MTUS2: variants seen among roughly 807,000 people sequenced by gnomAD.
The protein encoded by MTUS2 is microtubule-associated tumor suppressor candidate 2.
Under a neutral mutation model 114.1 loss-of-function variants are expected in MTUS2, and 40 were observed. That is an observed-to-expected ratio of 0.35 (90% CI 0.27 to 0.46). The LOEUF (loss-of-function observed/expected upper bound fraction) is 0.46, where lower values mean the gene tolerates loss of function less well. Ranked by LOEUF, MTUS2 falls within the 20% of genes least tolerant of loss-of-function variation. The probability of loss-of-function intolerance (pLI) is 1.00; values close to 1 mark genes in which losing one functional copy is unlikely to be tolerated. For synonymous variants in MTUS2, 688 were observed against 672.0 expected, an observed-to-expected ratio of 1.02 and a Z score of -0.37; for missense variants, 1,679 against 1,705.4, an observed-to-expected ratio of 0.98 and a Z score of 0.27.
chr13:29,160,038 T>C (rs1336703428), intron 5 of MTUS2, among the ~76,000 whole-genome samples: 1 of 152,222 alleles, frequency 6.6e-6, no homozygotes, highest in Non-Finnish European at 1.5e-5. Context: ...CAAAAAATCC[T>C]ATACACCATT....
intron 9 of MTUS2, among the ~76,000 whole-genome samples, chr13:29,468,108 G>C (rs1306456997): frequency 6.6e-6 from 1 of 151,916 alleles, no homozygotes; most frequent in Non-Finnish European, 1.5e-5. Context: ...GACAGAGGGA[G>C]ACCCTGCCTC....
intron 1 of MTUS2, among the ~76,000 whole-genome samples, chr13:28,826,089 T>G (rs1874249360): frequency 6.6e-6 from 1 of 152,202 alleles, no homozygotes; most frequent in South Asian, 2.1e-4. Flanking sequence ...ATTCTATATG[T>G]TGGTTGTATT....
At position 29,016,354 on chromosome 13, in the gene MTUS2, T is replaced by A. The variant is rs567973845; in HGVS notation, c.-242-8103T>A. 5.5e-5 allele frequency among the ~76,000 whole-genome samples: 8 copies of A among 146,346 alleles called. 1 individual carries two copies. The South Asian group carries it at 1.7e-3, about 32-fold the overall frequency. On this transcript the variant is annotated intron_variant, in intron 2 of 15. Coordinates refer to ENST00000612955, the MANE Select transcript of MTUS2 (RefSeq NM_001033602.4). ...GTGGAATTCTCCCCTGGAAAGGACT[T>A]TTTTTTTTTTTTAAGGGTATGCTTG...
chr13:29,492,338 A>G (rs1479703940), intron 11 of MTUS2, among the ~76,000 whole-genome samples: 1 of 150,350 alleles, frequency 6.7e-6, no homozygotes, highest in Non-Finnish European at 1.5e-5. Flanking sequence ...TGTGGTGTGT[A>G]TGTGACGGGT....
intron 2 of MTUS2, among the ~76,000 whole-genome samples, chr13:28,865,407 T>C (rs1384521584): frequency 2.0e-5 from 3 of 152,218 alleles, no homozygotes; most frequent in Non-Finnish European, 2.9e-5. Flanking sequence ...TGCACTCATA[T>C]GTCAGAAGCA....
In MTUS2 at chr13:28,962,486, A is replaced by G. The variant is rs531605105; in HGVS notation, c.-242-61971A>G. Among the ~76,000 whole-genome samples the G allele has an allele frequency of 1.3e-4, 20 of 152,250 alleles. No individual in the cohort carries two copies. In the South Asian group the frequency reaches 4.1e-3, roughly 32 times the overall value. On this transcript the variant is annotated intron_variant, in intron 2 of 15. Transcript: ENST00000612955. ...AACCTTTTGCAAGGTTTTTTGTTTT[A>G]TATATCCTCTAGGTATATCTTTAAC... is the stretch of plus-strand genomic sequence containing the variant.
intron 8 of MTUS2, among the ~76,000 whole-genome samples, chr13:29,424,693 A>G (rs1460732310): frequency 6.6e-6 from 1 of 152,186 alleles, no homozygotes; most frequent in Admixed American, 6.5e-5. Context: ...TCTAACCCAG[A>G]TTTGAGAGCT....
intron 9 of MTUS2, among the ~76,000 whole-genome samples, chr13:29,455,860 A>G (rs1879069789): frequency 1.3e-5 from 2 of 152,148 alleles, no homozygotes; most frequent in African/African-American, 2.4e-5. Context: ...GCACACTGGT[A>G]GTCCCAGCTG....
At chr13:29,346,250 G>A (rs899540691) in intron 7 of MTUS2, among the ~76,000 whole-genome samples, 1 of 152,092 alleles carries the variant, frequency 6.6e-6, no homozygotes, top group Admixed American at 6.6e-5. Flanking sequence ...TGGTGGACAG[G>A]GCCATAGAGC....
chr13:29,192,847 G>A (rs1894504071), intron 5 of MTUS2, among the ~76,000 whole-genome samples: 2 of 152,150 alleles, frequency 1.3e-5, no homozygotes. Flanking sequence ...GGTTGCCTGC[G>A]TTATACCTGG....
chr13:29,356,229 G>T (rs531394168), intron 7 of MTUS2, among the ~76,000 whole-genome samples: 14 of 152,262 alleles, frequency 9.2e-5, no homozygotes, highest in Non-Finnish European at 8.8e-5. Flanking sequence ...GAAATATGAT[G>T]GGAAAGAGGT....
chr13:29,482,119 G>A (rs1881231718), intron 10 of MTUS2: 1 of 152,136 alleles, frequency 6.6e-6, no homozygotes, highest in South Asian at 2.1e-4. Context: ...TTTACCAAAG[G>A]CCTCTGATCT....
rs1456139400 is a variant in MTUS2 at position 29,218,430 on chromosome 13, T to G, written c.2645-63274T>G. 2.0e-5 allele frequency among the ~76,000 whole-genome samples: 3 copies of G among 152,224 alleles called. No homozygotes were observed. The East Asian group carries it at 5.8e-4, about 29-fold the overall frequency. On this transcript the variant is annotated intron_variant, in intron 5 of 15. Coordinates refer to ENST00000612955, the MANE Select transcript of MTUS2 (RefSeq NM_001033602.4). ...AATTTCTTTCAAACTGCTGTTAATT[T>G]GAATATTTTGACTTCTTCCTGTGAA...
chr13:29,052,521 G>A (rs1375191704), intron 4 of MTUS2, among the ~76,000 whole-genome samples: 2 of 151,686 alleles, frequency 1.3e-5, no homozygotes, highest in Non-Finnish European at 2.9e-5. Flanking sequence ...AGCAGCTAGA[G>A]GATATCCTAA....
intron 8 of MTUS2, among the ~76,000 whole-genome samples, chr13:29,406,649 C>T (rs1405492610): frequency 6.6e-6 from 1 of 152,184 alleles, no homozygotes; most frequent in Non-Finnish European, 1.5e-5. Flanking sequence ...TGGTGTGGGA[C>T]AGGACCACAA....
intron 6 of MTUS2, among the ~76,000 whole-genome samples, chr13:29,310,728 C>A (rs1419247311): frequency 1.3e-5 from 2 of 152,176 alleles, no homozygotes; most frequent in African/African-American, 2.4e-5. Context: ...TTTTAAAAAT[C>A]TGACCTTTTA....
intron 5 of MTUS2, among the ~76,000 whole-genome samples, chr13:29,243,467 G>A (rs1265550983): frequency 6.6e-6 from 1 of 152,198 alleles, no homozygotes; most frequent in Non-Finnish European, 1.5e-5. Context: ...GATGACATTT[G>A]CTTTCAAAGA....
chr13:29,018,023 A>G (rs1886137936), intron 2 of MTUS2, among the ~76,000 whole-genome samples: 1 of 152,238 alleles, frequency 6.6e-6, no homozygotes, highest in African/African-American at 2.4e-5. Flanking sequence ...TTCAGGACAC[A>G]GAGAGAAAAT....
chr13:29,008,621 T>G (rs1341173972), intron 2 of MTUS2, among the ~76,000 whole-genome samples: 1 of 152,248 alleles, frequency 6.6e-6, no homozygotes, highest in Non-Finnish European at 1.5e-5. Flanking sequence ...ATTTGATAGT[T>G]TAGCAAGATA....
Sources: gnomAD v4.1 joint callset for allele counts (sites outside exome capture counted in the v4.1 genomes callset) on GRCh38, gnomAD v4.1.1 for gene constraint, MANE v1.5 for transcripts, NCBI Gene and HGNC (gene_info 2026-07-23, HGNC 2026-07-21) for gene names.